Variants in RIPOR3 observed in about 807,000 individuals in gnomAD.
RIPOR3 encodes family with sequence similarity 65 member C.
RIPOR3 carries 95 observed loss-of-function variants against 114.3 expected under a neutral mutation model. The observed-to-expected ratio is 0.83, with a 90% CI of 0.70 to 0.99. The LOEUF is 0.99. RIPOR3 is among the 50% of genes least tolerant of loss of function. RIPOR3 has a pLI of 0.00. For missense variants in RIPOR3, 1,252 were observed against 1,266.9 expected (o/e 0.99, Z 0.18); for synonymous variants, 575 against 543.8 (o/e 1.06, Z -0.80).
At chr20:50,687,285 C>T (rs566204163) in intron 1 of RIPOR3, among the ~76,000 whole-genome samples, 85 of 152,338 alleles carry the variant, frequency 5.6e-4, no homozygotes, top group Middle Eastern at 6.8e-3. Flanking sequence ...CTACTCCACC[C>T]GATCTCTCTG....
intron 14 of RIPOR3, among the ~76,000 whole-genome samples, chr20:50,596,766 G>A (rs1271920837): frequency 1.3e-5 from 2 of 152,242 alleles, no homozygotes; most frequent in African/African-American, 4.8e-5. Flanking sequence ...CCGTGGGATT[G>A]TGAGAGGCGA....
intron 12 of RIPOR3, among the ~76,000 whole-genome samples, chr20:50,604,185 C>CA (rs11300905): frequency 0.017 from 1,463 of 84,224 alleles, 11 homozygotes; most frequent in African/African-American, 0.036. Context: ...AACTCCGTCT[C>CA]AAAAAAAAAA....
chr20:50,621,275 C>T (rs1292580710), intron 2 of RIPOR3, among the ~76,000 whole-genome samples: 2 of 152,226 alleles, frequency 1.3e-5, no homozygotes, highest in Admixed American at 1.3e-4. Context: ...TAGTCCTGTG[C>T]TTTACCCTTG....
At chr20:50,619,828 G>A (rs1481791215) in intron 3 of RIPOR3, among the ~76,000 whole-genome samples, 158 bp downstream of exon 3, 5 of 152,190 alleles carry the variant, frequency 3.3e-5, no homozygotes, top group Admixed American at 2.0e-4. Flanking sequence ...CTGAGCACGC[G>A]GCTGCACCCT....
In RIPOR3 at chr20:50,610,813, C is replaced by T. The variant is rs766353406; in HGVS notation, c.426+40G>A. On this transcript the variant is annotated intron_variant, in intron 6 of 21. Coordinates refer to ENST00000327979, the MANE Select transcript of RIPOR3 (RefSeq NM_001290268.2). ...CTAGCTGAGGCCCAGCAAGCTGGCA[C>T]TGCCCCACCCCACCCTGCAACATCC... 15 of 1,613,610 alleles carry T rather than the reference C, an allele frequency of 9.3e-6. No individual in the cohort carries two copies. The Admixed American group carries it at 1.5e-4, about 16-fold the overall frequency.
intron 4 of RIPOR3, among the ~76,000 whole-genome samples, chr20:50,614,052 T>C (rs536544711): frequency 6.6e-6 from 1 of 152,160 alleles, no homozygotes; most frequent in Non-Finnish European, 1.5e-5. Context: ...CATTCATTCA[T>C]TGAAACAGAG....
chr20:50,631,594 G>A (rs914232525), intron 1 of RIPOR3, among the ~76,000 whole-genome samples: 1 of 152,174 alleles, frequency 6.6e-6, no homozygotes, highest in Non-Finnish European at 1.5e-5. Context: ...ATGGGGCAAG[G>A]GTGACTGGGA....
Position 50,637,736 on chromosome 20 carries a change from G to A in RIPOR3, c.4-6880C>T, listed in dbSNP as rs142628882. Among the ~76,000 whole-genome samples the A allele has an allele frequency of 3.9e-3, 588 of 152,038 alleles. 7 individuals are homozygous for A. The highest frequency in any genetic ancestry group is 0.013 in the African/African-American group (552 of 41,498). Reference sequence around the variant, plus strand: ...CTAAAAATACAAAAATTAGCCAGGCGTAGTGGCGGGCTCCTGTAATCCCAG... The same window carrying A: ...CTAAAAATACAAAAATTAGCCAGGCATAGTGGCGGGCTCCTGTAATCCCAG... On this transcript the variant is annotated intron_variant, in intron 1 of 21. Transcript: ENST00000327979.
intron 2 of RIPOR3, among the ~76,000 whole-genome samples, chr20:50,625,364 G>A (rs145980305): frequency 7.8e-4 from 119 of 152,284 alleles, no homozygotes; most frequent in African/African-American, 2.5e-3. Flanking sequence ...GAGCCACCAC[G>A]CCCGCCTGGC....
intron 18 of RIPOR3, 51 bp from the exon 19 acceptor site, chr20:50,592,597 A>G: frequency 2.1e-6 from 3 of 1,395,624 alleles, no homozygotes; most frequent in Non-Finnish European, 2.8e-6. Context: ...GGAGTTTGGC[A>G]GGACAGCTGC....
At chr20:50,619,945 A>C (rs756542327) in intron 3 of RIPOR3, 41 bp downstream of exon 3, 1 of 1,586,384 alleles carries the variant, frequency 6.3e-7, no homozygotes, top group South Asian at 1.1e-5. Flanking sequence ...GGCGAGGTAG[A>C]GGAATGCACT....
rs115671080 is a variant in RIPOR3 at position 50,685,100 on chromosome 20, A to G, written c.3+6026T>C. On this transcript the variant is annotated intron_variant, in intron 1 of 21. Transcript: ENST00000327979. ...CAGTGTAGAATTTCTTTTTTGCTGG[A>G]AAGTGGGAGAGGCTGGGCTCTATTT... Among the ~76,000 whole-genome samples, 610 of 152,166 alleles carry G rather than the reference A, an allele frequency of 4.0e-3. 4 individuals carry two copies. Among genetic ancestry groups the G allele is most frequent in the African/African-American group, 0.014 (582 of 41,504 alleles).
chr20:50,638,713 G>C (rs116996857), intron 1 of RIPOR3, among the ~76,000 whole-genome samples: 5,337 of 152,064 alleles, frequency 0.035, 110 homozygotes, highest in Non-Finnish European at 0.047. Context: ...TGGGGTAGCG[G>C]GAGGGAGCGG....
rs556645048 is a variant in RIPOR3 at position 50,679,718 on chromosome 20, G to A, written c.3+11408C>T. On this transcript the variant is annotated intron_variant, in intron 1 of 21. Transcript: ENST00000327979. ...TGGGAGGCAGAGGTTGCAGTGAGCC[G>A]AGATCGCGCCACTGCACTCGGGCCT... Among the ~76,000 whole-genome samples, 9 of 149,730 alleles carry A rather than the reference G, an allele frequency of 6.0e-5. No homozygotes were observed. In the South Asian group the frequency reaches 1.7e-3, roughly 29 times the overall value.
chr20:50,650,702 G>T (rs2085570853), intron 1 of RIPOR3, among the ~76,000 whole-genome samples: 1 of 152,146 alleles, frequency 6.6e-6, no homozygotes, highest in Non-Finnish European at 1.5e-5. Context: ...AAAGTTCTAA[G>T]CAAAGGAAAA....
At chr20:50,595,230 G>GAGCCC (rs1484617964) in intron 16 of RIPOR3, 139 bp downstream of exon 16, 4 of 1,148,418 alleles carry the variant, frequency 3.5e-6, no homozygotes, top group African/African-American at 3.1e-5. Flanking sequence ...GTGTATCTCT[G>GAGCCC]AGCCCAGCCC....
At chr20:50,621,122 A>T in intron 2 of RIPOR3, 1 of 28,640 alleles carries the variant, frequency 3.5e-5, no homozygotes, top group South Asian at 1.9e-4. Context: ...CAGCTTGACA[A>T]AAAAAAAAAA....
chr20:50,632,900 C>G (rs1197272517), intron 1 of RIPOR3, among the ~76,000 whole-genome samples: 1 of 152,156 alleles, frequency 6.6e-6, no homozygotes, highest in Non-Finnish European at 1.5e-5. Context: ...GGGGCCTTGC[C>G]CCTGCCCCCA....
intron 11 of RIPOR3, 46 bp from the exon 12 acceptor site, chr20:50,604,820 C>A (rs751624182): frequency 1.3e-6 from 2 of 1,593,764 alleles, no homozygotes; most frequent in East Asian, 2.3e-5. Flanking sequence ...CACCCAGAGG[C>A]CATTTCAGGC....
Sources: gnomAD v4.1 joint callset for allele counts (sites outside exome capture counted in the v4.1 genomes callset) on GRCh38, gnomAD v4.1.1 for gene constraint, MANE v1.5 for transcripts, NCBI Gene and HGNC (gene_info 2026-07-23, HGNC 2026-07-21) for gene names.